The following RIN2 variants were observed in gnomAD, a reference collection of about 807,000 sequenced individuals.
RIN2 encodes RAB5 interacting protein 2.
In RIN2, 36 loss-of-function variants were observed where a neutral mutation model predicts 78.0. The ratio of observed to expected loss-of-function variants is 0.46; its 90% CI spans 0.35 to 0.61. The LOEUF (loss-of-function observed/expected upper bound fraction) is 0.61. RIN2 is among the 20% of genes least tolerant of loss of function. The pLI is 0.00. For missense variants in RIN2, 1,087 were observed against 1,159.7 expected, an observed-to-expected ratio of 0.94 and a Z score of 0.91; for synonymous variants, 466 against 466.8, an observed-to-expected ratio of 1.00 and a Z score of 0.02.
chr20:19,942,110 A>AC (rs2040898609), intron 4 of RIN2, among the ~76,000 whole-genome samples: 1 of 137,626 alleles, frequency 7.3e-6, no homozygotes, highest in Non-Finnish European at 1.6e-5. Flanking sequence ...ACTCTATCTC[A>AC]AAAAAAAAAA....
chr20:19,900,131 G>T (rs950024957), intron 3 of RIN2, among the ~76,000 whole-genome samples: 10 of 152,156 alleles, frequency 6.6e-5, no homozygotes, highest in African/African-American at 9.7e-5. Context: ...GGGTTTTTTG[G>T]TTTTTTCCAA....
chr20:19,886,532 G>T, intron 2 of RIN2: 1 of 582,482 alleles, frequency 1.7e-6, no homozygotes, highest in Non-Finnish European at 3.1e-6. Flanking sequence ...TTTCAGTGGT[G>T]TTGTTGAAAG....
At chr20:19,785,361 T>C (rs1415267034) in intron 1 of RIN2, among the ~76,000 whole-genome samples, 1 of 151,866 alleles carries the variant, frequency 6.6e-6, no homozygotes, top group African/African-American at 2.4e-5. Context: ...CATAAGAACT[T>C]TCATATGCTA....
intron 2 of RIN2, among the ~76,000 whole-genome samples, chr20:19,824,095 A>G (rs2036011935): frequency 6.6e-6 from 1 of 152,146 alleles, no homozygotes; most frequent in Non-Finnish European, 1.5e-5. Flanking sequence ...AGTTAATTGT[A>G]TAAAAGTTAT....
At chr20:19,911,991 T>C (rs1187877340) in intron 3 of RIN2, among the ~76,000 whole-genome samples, 4 of 152,240 alleles carry the variant, frequency 2.6e-5, no homozygotes, top group African/African-American at 4.8e-5. Flanking sequence ...TGGAAGGATC[T>C]ACAGGGCTCC....
At chr20:19,953,323 G>A (rs1247434335) in intron 4 of RIN2, among the ~76,000 whole-genome samples, 1 of 152,018 alleles carries the variant, frequency 6.6e-6, no homozygotes, top group Non-Finnish European at 1.5e-5. Context: ...GCAGAGACAG[G>A]GTTTCACCAT....
chr20:19,777,175 A>G (rs2034340458), intron 1 of RIN2, among the ~76,000 whole-genome samples: 2 of 152,168 alleles, frequency 1.3e-5, no homozygotes, highest in South Asian at 4.1e-4. Context: ...GGAGGTTTAG[A>G]AGAACTGTGT....
chr20:19,803,935 A>T lies in RIN2; in HGVS notation c.-37+4188A>T, dbSNP rs2035325832. ...CACTTCTCTTGTTAGCTGTATTCCTAGGTATTTTATTCTCTTTATAGCAAT... is the reference window on the plus strand; with the variant it reads ...CACTTCTCTTGTTAGCTGTATTCCTTGGTATTTTATTCTCTTTATAGCAAT... On this transcript the variant is annotated intron_variant, in intron 2 of 12. Coordinates refer to ENST00000255006, the MANE Select transcript of RIN2 (RefSeq NM_018993.4). Among the ~76,000 whole-genome samples, 4 of 152,206 alleles carry T rather than the reference A, an allele frequency of 2.6e-5. No individual in the cohort carries two copies. The South Asian group carries it at 8.3e-4, about 32-fold the overall frequency.
intron 1 of RIN2, among the ~76,000 whole-genome samples, chr20:19,773,904 A>G (rs1253591141): frequency 6.7e-6 from 1 of 148,512 alleles, no homozygotes; most frequent in African/African-American, 2.5e-5. Flanking sequence ...TAAATATTAT[A>G]AAATATTATA....
At chr20:19,861,056 T>C (rs2037318239) in intron 2 of RIN2, among the ~76,000 whole-genome samples, 2 of 152,198 alleles carry the variant, frequency 1.3e-5, no homozygotes, top group South Asian at 4.1e-4. Context: ...CTTGTTAAGT[T>C]TAGGGTTAAC....
intron 3 of RIN2, among the ~76,000 whole-genome samples, chr20:19,932,010 G>T (rs1213078163): frequency 6.6e-6 from 1 of 152,144 alleles, no homozygotes; most frequent in Non-Finnish European, 1.5e-5. Flanking sequence ...AAGTAGCTCT[G>T]GGGGTAATAT....
At chr20:19,955,155 GTC>G (rs2041483655) in intron 4 of RIN2, among the ~76,000 whole-genome samples, 1 of 152,012 alleles carries the variant, frequency 6.6e-6, no homozygotes, top group African/African-American at 2.4e-5. Flanking sequence ...TCTACTTTGT[GTC>G]TCTGTAGATT....
intron 2 of RIN2, among the ~76,000 whole-genome samples, chr20:19,855,760 G>A (rs533419590): frequency 2.7e-4 from 41 of 152,130 alleles, no homozygotes; most frequent in African/African-American, 9.6e-4. Flanking sequence ...AGGCTTGGGG[G>A]AAAAAAATCC....
At chr20:19,876,317 C>A (rs2037853131) in intron 2 of RIN2, among the ~76,000 whole-genome samples, 1 of 152,114 alleles carries the variant, frequency 6.6e-6, no homozygotes, top group Non-Finnish European at 1.5e-5. Context: ...TCGTATAAAT[C>A]TTTTGCCTTC....
intron 10 of RIN2, among the ~76,000 whole-genome samples, chr20:19,990,613 G>A (rs977563395): frequency 6.6e-6 from 1 of 152,106 alleles, no homozygotes; most frequent in East Asian, 1.9e-4. Flanking sequence ...TTCCCTCCGA[G>A]AAGAAGAAAA....
chr20:19,934,314 C>A (rs1271570102), intron 3 of RIN2, among the ~76,000 whole-genome samples: 1 of 152,194 alleles, frequency 6.6e-6, no homozygotes, highest in Non-Finnish European at 1.5e-5. Flanking sequence ...GAGTGGCACC[C>A]TTGAGAACAG....
intron 2 of RIN2, among the ~76,000 whole-genome samples, chr20:19,858,793 C>T (rs1167811535): frequency 6.6e-6 from 1 of 152,110 alleles, no homozygotes; most frequent in East Asian, 1.9e-4. Flanking sequence ...ATCTGTCTTC[C>T]TACAATCAAG....
intron 7 of RIN2, among the ~76,000 whole-genome samples, chr20:19,965,834 A>G (rs2041921180): frequency 6.6e-6 from 1 of 151,658 alleles, no homozygotes; most frequent in African/African-American, 2.4e-5. Context: ...CTGGTCTTGA[A>G]CTCCTAACCT....
chr20:19,891,285 A>C (rs576570617), intron 3 of RIN2, among the ~76,000 whole-genome samples: 1 of 152,312 alleles, frequency 6.6e-6, no homozygotes, highest in Non-Finnish European at 1.5e-5. Context: ...TCCTCTGTAG[A>C]TCAAGAGCTA....
Sources: allele counts gnomAD v4.1 joint callset (sites outside exome capture counted in the v4.1 genomes callset), GRCh38; gene constraint gnomAD v4.1.1; transcripts MANE v1.5; gene names NCBI Gene and HGNC (gene_info 2026-07-23, HGNC 2026-07-21).